Variants in PCDH9 observed in about 807,000 individuals in gnomAD.
PCDH9 encodes the protein protocadherin 9.
PCDH9 carries 24 observed loss-of-function variants against 70.6 expected under a neutral mutation model. The ratio of observed to expected loss-of-function variants is 0.34; its 90% CI spans 0.25 to 0.48. The LOEUF is 0.48. Among genes scored for constraint, PCDH9 ranks in the 20% least tolerant of loss-of-function variants. PCDH9 has a pLI of 0.99. For missense variants in PCDH9, 1,281 were observed against 1,503.6 expected, an observed-to-expected ratio of 0.85 and a Z score of 2.45; for synonymous variants, 562 against 558.5, an observed-to-expected ratio of 1.01 and a Z score of -0.09.
At chr13:66,523,827 A>AT (rs767619819) in intron 4 of PCDH9, among the ~76,000 whole-genome samples, 92 of 152,210 alleles carry the variant, frequency 6.0e-4, no homozygotes, top group Non-Finnish European at 1.1e-3. Context: ...ATTGAAAACA[A>AT]TTTTTTATGA....
chr13:67,111,321 C>T (rs1486381856), intron 2 of PCDH9, among the ~76,000 whole-genome samples: 1 of 152,128 alleles, frequency 6.6e-6, no homozygotes, highest in Non-Finnish European at 1.5e-5. Flanking sequence ...AACCCATGCA[C>T]ATTTTCTATC....
chr13:66,601,187 C>G (rs1470650925), intron 4 of PCDH9, among the ~76,000 whole-genome samples: 1 of 145,674 alleles, frequency 6.9e-6, no homozygotes, highest in Non-Finnish European at 1.5e-5. Context: ...CTAATAACAT[C>G]TAGATTTTTT....
intron 3 of PCDH9, among the ~76,000 whole-genome samples, chr13:66,777,657 A>C (rs1047972206): frequency 2.6e-5 from 4 of 152,188 alleles, no homozygotes; most frequent in African/African-American, 7.2e-5. Flanking sequence ...ATGTGGAGAA[A>C]TAGGAACACT....
At chr13:66,439,947 C>A (rs1957943796) in intron 4 of PCDH9, among the ~76,000 whole-genome samples, 1 of 152,116 alleles carries the variant, frequency 6.6e-6, no homozygotes, top group Admixed American at 6.5e-5. Flanking sequence ...AAGTTAATGG[C>A]AATCCATACT....
At chr13:66,665,709 C>A (rs1161159159) in intron 3 of PCDH9, among the ~76,000 whole-genome samples, 1 of 152,110 alleles carries the variant, frequency 6.6e-6, no homozygotes, top group Non-Finnish European at 1.5e-5. Flanking sequence ...GTGTCCTCTG[C>A]ACATGCTTTC....
At chr13:66,870,794 T>G (rs990913829) in intron 3 of PCDH9, among the ~76,000 whole-genome samples, 11 of 152,154 alleles carry the variant, frequency 7.2e-5, no homozygotes, top group Non-Finnish European at 1.6e-4. Context: ...GTGGTGGGAC[T>G]GTAAACTAGT....
chr13:66,405,763 G>A lies in PCDH9; in HGVS notation c.3341-100735C>T, dbSNP rs550779010. ...TCATCAGTATTTTCCAAATCTAACC[G>A]TAATTTAAACCTTGGAGTCTTATAA... On this transcript the variant is annotated intron_variant, in intron 4 of 4. Coordinates refer to ENST00000377865, the MANE Select transcript of PCDH9 (RefSeq NM_203487.3). Among the ~76,000 whole-genome samples the A allele has an allele frequency of 2.6e-5, 4 of 152,220 alleles. No homozygotes were observed. In the South Asian group the frequency reaches 8.3e-4, roughly 32 times the overall value.
At chr13:66,398,676 A>G (rs1054664473) in intron 4 of PCDH9, among the ~76,000 whole-genome samples, 3 of 152,214 alleles carry the variant, frequency 2.0e-5, no homozygotes, top group African/African-American at 2.4e-5. Context: ...TAAAAAATTA[A>G]GAACAATTCA....
chr13:67,214,845 T>C (rs919582383), intron 2 of PCDH9: 1 of 149,716 alleles, frequency 6.7e-6, no homozygotes, highest in Non-Finnish European at 1.5e-5. Context: ...TAAATGAATG[T>C]GCAAACATCT....
At chr13:67,054,445 C>T (rs552864352) in intron 2 of PCDH9, among the ~76,000 whole-genome samples, 2 of 152,236 alleles carry the variant, frequency 1.3e-5, no homozygotes, top group South Asian at 4.1e-4. Context: ...TGATCTCCTA[C>T]ATACTTTACT....
At position 66,455,250 on chromosome 13, in the gene PCDH9, T is replaced by C. The variant is rs533971450; in HGVS notation, c.3341-150222A>G. On this transcript the variant is annotated intron_variant, in intron 4 of 4. Transcript: ENST00000377865. ...ATTTGACACTAATAAATATTGACCA[T>C]ATATATATATTCCTTGTTGTTATAT... Among the ~76,000 whole-genome samples, 137 of 151,384 alleles carry C rather than the reference T, an allele frequency of 9.0e-4. 1 individual carries two copies. The highest frequency in any genetic ancestry group is 1.6e-3 in the Admixed American group (24 of 15,186).
At chr13:67,047,323 AAC>A (rs1283073855) in intron 2 of PCDH9, among the ~76,000 whole-genome samples, 1 of 152,212 alleles carries the variant, frequency 6.6e-6, no homozygotes, top group Non-Finnish European at 1.5e-5. Flanking sequence ...ATAAAAAGAA[AAC>A]AGTTTTAAAT....
intron 4 of PCDH9, among the ~76,000 whole-genome samples, chr13:66,419,602 G>A (rs1009322435): frequency 4.6e-5 from 7 of 151,920 alleles, no homozygotes; most frequent in Non-Finnish European, 7.4e-5. Context: ...ACTGTGTGCC[G>A]AGGAACGGTG....
intron 2 of PCDH9, among the ~76,000 whole-genome samples, chr13:67,061,411 ATATATATATG>A (rs2085537512): frequency 6.6e-6 from 1 of 151,648 alleles, no homozygotes; most frequent in Admixed American, 6.6e-5. Flanking sequence ...CTCTCTCTCT[ATATATATATG>A]TATATATGTA....
chr13:66,860,846 G>A (rs1176713827), intron 3 of PCDH9, among the ~76,000 whole-genome samples: 1 of 152,190 alleles, frequency 6.6e-6, no homozygotes, highest in Non-Finnish European at 1.5e-5. Context: ...CAGGGGAAAG[G>A]TCATTTCTTT....
chr13:66,440,095 A>C (rs1341340365), intron 4 of PCDH9, among the ~76,000 whole-genome samples: 1 of 152,210 alleles, frequency 6.6e-6, no homozygotes, highest in Non-Finnish European at 1.5e-5. Flanking sequence ...ATAATCAATG[A>C]GTGGTTTTTT....
Position 66,562,924 on chromosome 13 carries a change from T to C in PCDH9, c.3340+68286A>G, listed in dbSNP as rs1004082602. Among the ~76,000 whole-genome samples the C allele has an allele frequency of 5.3e-5, 8 of 152,294 alleles. No individual in the cohort carries two copies. The East Asian group carries it at 9.6e-4, about 18-fold the overall frequency. On this transcript the variant is annotated intron_variant, in intron 4 of 4. Coordinates refer to ENST00000377865, the MANE Select transcript of PCDH9 (RefSeq NM_203487.3). ...ATATGCATGTGTATGTTTGTGTCTC[T>C]GAAGTTAATGTGCTGCACATACATA... is the stretch of plus-strand genomic sequence containing the variant.
intron 2 of PCDH9, among the ~76,000 whole-genome samples, chr13:67,011,080 C>T (rs2084442796): frequency 1.3e-5 from 2 of 152,006 alleles, no homozygotes; most frequent in Middle Eastern, 6.8e-3. Context: ...AATTCTGACT[C>T]TATTAAATAT....
chr13:66,371,309 C>G (rs1266534466), intron 4 of PCDH9, among the ~76,000 whole-genome samples: 13 of 151,996 alleles, frequency 8.6e-5, no homozygotes. Flanking sequence ...TCCAGTTAAC[C>G]TGCCTTTAAT....
Sources: allele counts gnomAD v4.1 joint callset (sites outside exome capture counted in the v4.1 genomes callset), GRCh38; gene constraint gnomAD v4.1.1; transcripts MANE v1.5; gene names NCBI Gene and HGNC (gene_info 2026-07-23, HGNC 2026-07-21).